The following KCNIP4 variants were observed in gnomAD, a reference collection of about 807,000 sequenced individuals.
KCNIP4 encodes potassium voltage-gated channel interacting protein 4, also known as Kv channel-interacting protein 4.
A neutral mutation model predicts 34.0 loss-of-function variants in KCNIP4; 12 were observed. The ratio of observed to expected loss-of-function variants is 0.35; its 90% CI spans 0.23 to 0.57. The LOEUF is 0.57. KCNIP4 is among the 20% of genes least tolerant of loss of function. The pLI is 0.83. For synonymous variants in KCNIP4, 124 were observed against 102.2 expected, an observed-to-expected ratio of 1.21 and a Z score of -1.29; for missense variants, 238 against 311.7, an observed-to-expected ratio of 0.76 and a Z score of 1.78.
intron 1 of KCNIP4, among the ~76,000 whole-genome samples, chr4:21,890,471 T>G (rs1410585884): frequency 4.6e-5 from 7 of 152,112 alleles, no homozygotes; most frequent in Non-Finnish European, 1.0e-4. Context: ...ATTTTATATT[T>G]TATTAGTAAT....
chr4:21,084,511 G>A lies in KCNIP4; in HGVS notation c.62-201802C>T, dbSNP rs940369486. ...CATATTAGGCCTGAGAATAGACTGG[G>A]TGCTTCTCAGTGTGTATCCTTTACA... On this transcript the variant is annotated intron_variant, in intron 1 of 8. Transcript: ENST00000382152. 1.1e-4 allele frequency among the ~76,000 whole-genome samples: 16 copies of A among 148,408 alleles called. 1 individual carries two copies. The highest frequency in any genetic ancestry group is 4.0e-4 in the African/African-American group (16 of 39,604).
chr4:21,484,620 C>T (rs774782356), intron 1 of KCNIP4, among the ~76,000 whole-genome samples: 1 of 152,110 alleles, frequency 6.6e-6, no homozygotes, highest in Non-Finnish European at 1.5e-5. Context: ...GTCATTCCCG[C>T]AGCCTTTGAT....
chr4:20,838,334 T>A (rs900256482), intron 3 of KCNIP4, among the ~76,000 whole-genome samples: 1 of 152,174 alleles, frequency 6.6e-6, no homozygotes, highest in African/African-American at 2.4e-5. Context: ...AACAAAAAAA[T>A]GTCTTAGAAG....
intron 1 of KCNIP4, among the ~76,000 whole-genome samples, chr4:21,209,724 T>G (rs1241130985): frequency 1.3e-5 from 2 of 152,166 alleles, no homozygotes; most frequent in Admixed American, 1.3e-4. Context: ...TATTTTCTTT[T>G]TATCCCTATC....
chr4:21,197,272 C>T (rs73805067), intron 1 of KCNIP4, among the ~76,000 whole-genome samples: 2,251 of 152,180 alleles, frequency 0.015, 50 homozygotes, highest in African/African-American at 0.05. Flanking sequence ...GGGTATATAA[C>T]TAGGAGTGGA....
At chr4:21,818,906 G>A (rs1722154200) in intron 1 of KCNIP4, among the ~76,000 whole-genome samples, 1 of 152,128 alleles carries the variant, frequency 6.6e-6, no homozygotes, top group African/African-American at 2.4e-5. Flanking sequence ...GAGTAGTAGT[G>A]AGGGAACCAG....
chr4:21,541,788 C>A (rs1413303457), intron 1 of KCNIP4, among the ~76,000 whole-genome samples: 3 of 151,670 alleles, frequency 2.0e-5, no homozygotes, highest in Non-Finnish European at 4.4e-5. Context: ...AACACAGGCA[C>A]CTGCCACCAG....
Position 20,844,395 on chromosome 4 carries a change from T to C in KCNIP4, c.288+6148A>G, listed in dbSNP as rs116588702. 8.8e-3 allele frequency among the ~76,000 whole-genome samples: 1,338 copies of C among 152,294 alleles called. 27 individuals are homozygous for C. The highest frequency in any genetic ancestry group is 0.031 in the African/African-American group (1,287 of 41,560). On this transcript the variant is annotated intron_variant, in intron 3 of 8. Transcript: ENST00000382152. Reference sequence around the variant, plus strand: ...TTGCTCTTAAGGAAGGCCTTTTATCTGAGTCTTTCAAACACTGAACAAAAC... The same window carrying C: ...TTGCTCTTAAGGAAGGCCTTTTATCCGAGTCTTTCAAACACTGAACAAAAC...
chr4:21,438,838 G>C (rs1221406827), intron 1 of KCNIP4, among the ~76,000 whole-genome samples: 1 of 152,128 alleles, frequency 6.6e-6, no homozygotes, highest in Non-Finnish European at 1.5e-5. Flanking sequence ...GTACAGCCAA[G>C]TTATATTAAC....
At chr4:20,751,150 C>T (rs982278360) in intron 4 of KCNIP4, among the ~76,000 whole-genome samples, 2 of 152,144 alleles carry the variant, frequency 1.3e-5, no homozygotes, top group Admixed American at 6.5e-5. Flanking sequence ...GTGGCATCTT[C>T]GCTCATCTCT....
chr4:21,796,411 C>T (rs538074610), intron 1 of KCNIP4, among the ~76,000 whole-genome samples: 15 of 152,236 alleles, frequency 9.9e-5, no homozygotes, highest in Middle Eastern at 6.8e-3. Flanking sequence ...GTCTTTCCTA[C>T]GCCAGACTGT....
chr4:20,731,335 T>A (rs1748146414), intron 8 of KCNIP4: 1 of 929,136 alleles, frequency 1.1e-6, no homozygotes, highest in Non-Finnish European at 1.3e-6. Flanking sequence ...CAGCCTCCCA[T>A]AGTGCTGGGA....
chr4:21,552,112 G>A (rs1297289077), intron 1 of KCNIP4, among the ~76,000 whole-genome samples: 6 of 151,030 alleles, frequency 4.0e-5, no homozygotes, highest in African/African-American at 1.5e-4. Flanking sequence ...ATTTTCAACA[G>A]CGATTAGGTA....
Position 21,343,410 on chromosome 4 carries a change from T to A in KCNIP4, c.62-460701A>T, listed in dbSNP as rs554345968. On this transcript the variant is annotated intron_variant, in intron 1 of 8. Transcript: ENST00000382152. Reference sequence around the variant, plus strand: ...TTCGGAAAGAAAGAAATCTATGTACTATGTCAACCTCTACCTTTGACAGGG... The same window carrying A: ...TTCGGAAAGAAAGAAATCTATGTACAATGTCAACCTCTACCTTTGACAGGG... Among the ~76,000 whole-genome samples the A allele has an allele frequency of 2.6e-5, 4 of 152,256 alleles. No individual in the cohort carries two copies. In the South Asian group the frequency reaches 8.3e-4, roughly 32 times the overall value.
In KCNIP4 at chr4:21,833,788, C is replaced by T. The variant is rs1723147090; in HGVS notation, c.61+114783G>A. On this transcript the variant is annotated intron_variant, in intron 1 of 8. Coordinates refer to ENST00000382152, the MANE Select transcript of KCNIP4 (RefSeq NM_025221.6). ...TTTGTATAAGGTGTAAGGAAGGGTTCCAGTTTCAGCTTCCTACATATGGCT... is the reference window on the plus strand; with the variant it reads ...TTTGTATAAGGTGTAAGGAAGGGTTTCAGTTTCAGCTTCCTACATATGGCT... Among the ~76,000 whole-genome samples, 5 of 152,256 alleles carry T rather than the reference C, an allele frequency of 3.3e-5. No individual in the cohort carries two copies. In the South Asian group the frequency reaches 1.0e-3, roughly 32 times the overall value.
chr4:21,530,899 A>C (rs1736617046), intron 1 of KCNIP4, among the ~76,000 whole-genome samples: 1 of 152,138 alleles, frequency 6.6e-6, no homozygotes, highest in Non-Finnish European at 1.5e-5. Context: ...CAAAGGTATG[A>C]GCTACACTCA....
intron 1 of KCNIP4, among the ~76,000 whole-genome samples, chr4:21,465,088 T>C (rs1052619685): frequency 3.3e-5 from 5 of 152,230 alleles, no homozygotes; most frequent in Non-Finnish European, 5.9e-5. Context: ...GCTTTGCACA[T>C]AGCCTTTTTT....
intron 2 of KCNIP4, among the ~76,000 whole-genome samples, chr4:20,878,154 G>T (rs1362529918): frequency 6.6e-6 from 1 of 152,086 alleles, no homozygotes; most frequent in Non-Finnish European, 1.5e-5. Flanking sequence ...TTGTTTCTAT[G>T]TGCCTCAGTT....
chr4:21,735,560 G>A (rs977636433), intron 1 of KCNIP4, among the ~76,000 whole-genome samples: 5 of 152,216 alleles, frequency 3.3e-5, no homozygotes, highest in Admixed American at 3.3e-4. Context: ...ATTTGCCTTA[G>A]TGGGAGGATT....
Sources: allele counts gnomAD v4.1 joint callset (sites outside exome capture counted in the v4.1 genomes callset), GRCh38; gene constraint gnomAD v4.1.1; transcripts MANE v1.5; gene names NCBI Gene and HGNC (gene_info 2026-07-23, HGNC 2026-07-21).